The following CDH4 variants were observed in gnomAD, a reference collection of about 807,000 sequenced individuals.
CDH4 encodes cadherin-4.
CDH4 carries 33 observed loss-of-function variants against 86.0 expected under a neutral mutation model. That is an observed-to-expected ratio of 0.38 (90% confidence interval 0.29 to 0.51). CDH4 has a LOEUF of 0.51. CDH4 is among the 20% of genes least tolerant of loss of function. CDH4 has a pLI of 0.86. For missense variants in CDH4, 1,114 were observed against 1,307.4 expected, an observed-to-expected ratio of 0.85 and a Z score of 2.28; for synonymous variants, 555 against 549.4, an observed-to-expected ratio of 1.01 and a Z score of -0.14.
chr20:61,369,559 G>T (rs1284796406), intron 2 of CDH4, among the ~76,000 whole-genome samples: 1 of 150,910 alleles, frequency 6.6e-6, no homozygotes, highest in African/African-American at 2.4e-5. Context: ...TATGTGTACT[G>T]TGCATACGTA....
At chr20:61,424,361 C>T (rs1233655631) in intron 2 of CDH4, among the ~76,000 whole-genome samples, 1 of 151,814 alleles carries the variant, frequency 6.6e-6, no homozygotes, top group African/African-American at 2.4e-5. Flanking sequence ...TATCCACACA[C>T]ATATCCACAA....
chr20:61,619,950 A>G (rs1324622725), intron 2 of CDH4, among the ~76,000 whole-genome samples: 1 of 152,190 alleles, frequency 6.6e-6, no homozygotes, highest in Non-Finnish European at 1.5e-5. Flanking sequence ...CAGGGCCTCC[A>G]TGACGCTTGT....
chr20:61,768,885 G>C (rs562803209), intron 3 of CDH4, among the ~76,000 whole-genome samples: 7 of 152,078 alleles, frequency 4.6e-5, no homozygotes, highest in African/African-American at 1.7e-4. Context: ...CTAAGCAAAT[G>C]AAAATGAAGG....
At chr20:61,560,408 G>C (rs1450256754) in intron 2 of CDH4, among the ~76,000 whole-genome samples, 1 of 152,248 alleles carries the variant, frequency 6.6e-6, no homozygotes, top group East Asian at 1.9e-4. Flanking sequence ...TGTTTGAGGA[G>C]TTTTGCATTG....
intron 2 of CDH4, among the ~76,000 whole-genome samples, chr20:61,728,080 G>A (rs2088136458): frequency 6.6e-6 from 1 of 152,158 alleles, no homozygotes; most frequent in Non-Finnish European, 1.5e-5. Flanking sequence ...ATTTAGCCAG[G>A]GCCTGAGCAG....
intron 4 of CDH4, among the ~76,000 whole-genome samples, chr20:61,803,979 TTTG>T (rs1460869138): frequency 6.6e-6 from 1 of 152,238 alleles, no homozygotes; most frequent in African/African-American, 2.4e-5. Flanking sequence ...GTGAAACTTT[TTTG>T]TTGTGTTTAG....
At chr20:61,388,533 A>T (rs1037604648) in intron 2 of CDH4, among the ~76,000 whole-genome samples, 20 of 152,194 alleles carry the variant, frequency 1.3e-4, no homozygotes, top group Admixed American at 1.3e-3. Flanking sequence ...ATAGCACATT[A>T]GGTTTAACAT....
chr20:61,653,412 C>T (rs946515055), intron 2 of CDH4, among the ~76,000 whole-genome samples: 4 of 138,906 alleles, frequency 2.9e-5, no homozygotes, highest in South Asian at 2.3e-4. Flanking sequence ...TCCACAAAAC[C>T]GCCATTGTCA....
chr20:61,735,989 C>T (rs1315559115), intron 2 of CDH4, among the ~76,000 whole-genome samples: 1 of 152,132 alleles, frequency 6.6e-6, no homozygotes, highest in East Asian at 1.9e-4. Flanking sequence ...AACATTGGGC[C>T]CTAAAGGGGG....
chr20:61,285,159 C>A (rs1327076070), intron 2 of CDH4, among the ~76,000 whole-genome samples: 1 of 152,180 alleles, frequency 6.6e-6, no homozygotes, highest in Non-Finnish European at 1.5e-5. Flanking sequence ...GCTCTAACAG[C>A]CTCTTTGGCC....
chr20:61,303,841 G>C (rs116316961), intron 2 of CDH4, among the ~76,000 whole-genome samples: 1 of 152,218 alleles, frequency 6.6e-6, no homozygotes, highest in Non-Finnish European at 1.5e-5. Context: ...GCTGGAAAGC[G>C]AGCCTTCAGC....
intron 2 of CDH4, chr20:61,719,085 A>C (rs1380955631): frequency 6.4e-6 from 3 of 471,050 alleles, no homozygotes; most frequent in Non-Finnish European, 1.3e-5. Context: ...TGGCGAAAGC[A>C]AATGATCAAA....
chr20:61,913,734 G>T (rs896588931), intron 9 of CDH4, among the ~76,000 whole-genome samples: 1 of 152,226 alleles, frequency 6.6e-6, no homozygotes. Context: ...GGGCTCAGCT[G>T]CTTGGCAGCC....
At chr20:61,766,703 C>T (rs1460889329) in intron 3 of CDH4, among the ~76,000 whole-genome samples, 1 of 152,200 alleles carries the variant, frequency 6.6e-6, no homozygotes, top group Non-Finnish European at 1.5e-5. Context: ...CCCTGCTTTC[C>T]TTCCAGGCCC....
intron 2 of CDH4, among the ~76,000 whole-genome samples, chr20:61,512,036 T>G (rs1398669881): frequency 6.6e-6 from 1 of 152,178 alleles, no homozygotes; most frequent in Non-Finnish European, 1.5e-5. Context: ...CGCATTGATT[T>G]ATTCTTGTTT....
chr20:61,696,499 G>A (rs551340085), intron 2 of CDH4, among the ~76,000 whole-genome samples: 16 of 152,348 alleles, frequency 1.1e-4, no homozygotes, highest in Middle Eastern at 3.4e-3. Flanking sequence ...TGTGTACTGA[G>A]CGCCAGCTGT....
intron 2 of CDH4, among the ~76,000 whole-genome samples, chr20:61,631,929 C>T (rs2086892847): frequency 1.3e-5 from 2 of 152,228 alleles, no homozygotes; most frequent in Non-Finnish European, 2.9e-5. Flanking sequence ...CCAGCCGCTG[C>T]CATAAGGAGC....
Position 61,442,433 on chromosome 20 carries a change from G to A in CDH4, c.169+187496G>A, listed in dbSNP as rs560540481. 3.9e-4 allele frequency among the ~76,000 whole-genome samples: 60 copies of A among 152,256 alleles called. 1 individual carries two copies. The highest frequency in any genetic ancestry group is 1.4e-3 in the African/African-American group (60 of 41,540). On this transcript the variant is annotated intron_variant, in intron 2 of 15. Coordinates refer to ENST00000614565, the MANE Select transcript of CDH4 (RefSeq NM_001794.5). ...CTCATCATCTGCTGTGCAAATATTT[G>A]TGGCTTTAAAAGAATAACAGATCGT...
intron 2 of CDH4, among the ~76,000 whole-genome samples, chr20:61,724,816 A>G (rs964956859): frequency 6.6e-6 from 1 of 152,204 alleles, no homozygotes; most frequent in African/African-American, 2.4e-5. Flanking sequence ...TTTTTAATTT[A>G]AAAAAGAGAG....
Sources: gnomAD v4.1 joint callset for allele counts (sites outside exome capture counted in the v4.1 genomes callset) on GRCh38, gnomAD v4.1.1 for gene constraint, MANE v1.5 for transcripts, NCBI Gene and HGNC (gene_info 2026-07-23, HGNC 2026-07-21) for gene names.